The following BHMT2 variants were observed in gnomAD, a reference collection of about 807,000 sequenced individuals.
The protein encoded by BHMT2 is S-methylmethionine--homocysteine S-methyltransferase BHMT2.
In BHMT2, 28 loss-of-function variants were observed where a neutral mutation model predicts 39.0. The ratio of observed to expected loss-of-function variants is 0.72; its 90% CI spans 0.53 to 0.98. The LOEUF is 0.98. Among genes scored for constraint, BHMT2 ranks in the 50% least tolerant of loss-of-function variants. The probability of loss-of-function intolerance (pLI) is 0.00; values close to 1 mark genes in which losing one functional copy is unlikely to be tolerated. For missense variants in BHMT2, 410 were observed against 455.6 expected, an observed-to-expected ratio of 0.90 and a Z score of 0.91; for synonymous variants, 145 against 160.6, an observed-to-expected ratio of 0.90 and a Z score of 0.74.
chr5:79,073,545 AG>A (rs1229505239), intron 1 of BHMT2, among the ~76,000 whole-genome samples: 1 of 152,236 alleles, frequency 6.6e-6, no homozygotes, highest in East Asian at 1.9e-4. Context: ...CCAAAATTTA[AG>A]GCCTTTTTTA....
In BHMT2 at chr5:79,089,115, A is replaced by C. The variant is rs1755967304; in HGVS notation, c.*541A>C. On this transcript the variant is annotated 3_prime_UTR_variant, in exon 8 of 8. Transcript: ENST00000255192. ...GGTAGCATTATTGAAATAAATGTTT[A>C]ACTATCCAAAGTGATTACTTTCAAA... is the stretch of plus-strand genomic sequence containing the variant. 1 of 152,364 alleles carries C rather than the reference A, an allele frequency of 6.6e-6. No individual in the cohort carries two copies. The highest frequency in any genetic ancestry group is 2.4e-5 in the African/African-American group (1 of 41,464). 9.4% of individuals were successfully genotyped at this position (152,364 alleles called of 1,614,324 possible).
intron 1 of BHMT2, among the ~76,000 whole-genome samples, chr5:79,073,544 A>C (rs1268161839): frequency 6.6e-6 from 1 of 152,238 alleles, no homozygotes; most frequent in Non-Finnish European, 1.5e-5. Context: ...TCCAAAATTT[A>C]AGGCCTTTTT....
At chr5:79,073,455 G>A (rs1369994453) in intron 1 of BHMT2, among the ~76,000 whole-genome samples, 4 of 152,118 alleles carry the variant, frequency 2.6e-5, no homozygotes, top group Admixed American at 2.6e-4. Context: ...GCTTGTGGAG[G>A]GCAGAGACCT....
intron 1 of BHMT2, among the ~76,000 whole-genome samples, chr5:79,070,472 A>G (rs1286431785): frequency 6.6e-6 from 1 of 152,106 alleles, no homozygotes; most frequent in African/African-American, 2.4e-5. Context: ...ATGCCCAGCC[A>G]TTTCTACGTC....
chr5:79,071,727 G>C (rs1412086171), intron 1 of BHMT2, among the ~76,000 whole-genome samples: 1 of 151,276 alleles, frequency 6.6e-6, no homozygotes, highest in Non-Finnish European at 1.5e-5. Flanking sequence ...TAATACCTGG[G>C]TGAGGAAATA....
chr5:79,076,139 T>C (rs1755666570), intron 1 of BHMT2, among the ~76,000 whole-genome samples: 1 of 152,098 alleles, frequency 6.6e-6, no homozygotes, highest in Admixed American at 6.5e-5. Context: ...AGCAGATGGA[T>C]GGGGAGCCAG....
intron 7 of BHMT2, among the ~76,000 whole-genome samples, chr5:79,087,632 G>GA (rs1170149620): frequency 2.6e-5 from 4 of 152,026 alleles, no homozygotes; most frequent in Admixed American, 1.3e-4. Flanking sequence ...AAGTAAAGTG[G>GA]AAAAAACAAT....
At chr5:79,084,306 T>C (rs2112703464) in intron 7 of BHMT2, among the ~76,000 whole-genome samples, 1 of 152,314 alleles carries the variant, frequency 6.6e-6, no homozygotes, top group African/African-American at 2.4e-5. Flanking sequence ...AGATGGAGTC[T>C]GGCTCTGTTG....
rs753981682 is a variant in BHMT2 at position 79,088,553 on chromosome 5, G to C, written c.1071G>C (p.Ser357=). 6.2e-7 allele frequency: 1 copy of C among 1,613,912 alleles called. No individual in the cohort carries two copies. The highest frequency in any genetic ancestry group is 2.2e-5 in the East Asian group (1 of 44,864). ...CTTCAGGCAGACCTTTCTGTCCTTC[G>C]CTGTCAAAGCCAGACTTCTAAGGAG... ...LPASGRPFCP[S]LSKPDF The change falls in exon 8 of 8, where the codon TCG becomes TCC. Residue 357 remains serine (S), a synonymous_variant. Coordinates refer to ENST00000255192, the MANE Select transcript of BHMT2 (RefSeq NM_017614.5).
At chr5:79,072,168 G>C (rs1293601258) in intron 1 of BHMT2, among the ~76,000 whole-genome samples, 1 of 152,100 alleles carries the variant, frequency 6.6e-6, no homozygotes, top group Admixed American at 6.5e-5. Context: ...TTGCGAGGCT[G>C]AGGCAGGAGA....
intron 5 of BHMT2, 118 bp downstream of exon 5, chr5:79,083,074 T>G (rs1755821885): frequency 6.4e-7 from 1 of 1,573,418 alleles, no homozygotes; most frequent in African/African-American, 1.4e-5. Flanking sequence ...ATCAGTTTTC[T>G]TATCTGTAAA....
At chr5:79,081,841 G>A (rs147253207) in intron 4 of BHMT2, among the ~76,000 whole-genome samples, 134 of 152,146 alleles carry the variant, frequency 8.8e-4, no homozygotes, top group African/African-American at 2.7e-3. Flanking sequence ...CAGCCTGGGC[G>A]ACAGAGTGAT....
rs757097154 is a variant in BHMT2 at position 79,082,830 on chromosome 5, G to A, written c.472G>A (p.Ala158Thr). ...TTAGTATTTTGAGCACGTTGAAGAA[G>A]CTGTGTGGGCTGTGGAAGTCTTAAA... ...IAEYFEHVEE[A>T]VWAVEVLKES... The change falls in exon 5 of 8, where the codon GCT becomes ACT. Residue 158 changes from alanine (A) to threonine (T), a missense_variant. Transcript: ENST00000255192. 1.3e-5 allele frequency: 21 copies of A among 1,614,114 alleles called. No individual in the cohort carries two copies. The South Asian group carries it at 2.2e-4, about 17-fold the overall frequency.
chr5:79,076,163 T>C (rs1403434722), intron 1 of BHMT2, among the ~76,000 whole-genome samples: 1 of 151,866 alleles, frequency 6.6e-6, no homozygotes, highest in Non-Finnish European at 1.5e-5. Flanking sequence ...GGGGATGGAG[T>C]GGGAAGGCGG....
chr5:79,073,548 C>A (rs575977937), intron 1 of BHMT2, among the ~76,000 whole-genome samples: 3 of 152,190 alleles, frequency 2.0e-5, no homozygotes, highest in East Asian at 1.9e-4. Flanking sequence ...AAATTTAAGG[C>A]CTTTTTTATA....
At chr5:79,086,695 T>C (rs994455862) in intron 7 of BHMT2, among the ~76,000 whole-genome samples, 2 of 152,180 alleles carry the variant, frequency 1.3e-5, no homozygotes, top group African/African-American at 4.8e-5. Flanking sequence ...TCCAAATCCA[T>C]GCCATATTTC....
At chr5:79,081,484 G>A (rs968243519) in intron 4 of BHMT2, among the ~76,000 whole-genome samples, 15 of 152,152 alleles carry the variant, frequency 9.9e-5, no homozygotes, top group Non-Finnish European at 2.1e-4. Flanking sequence ...CTTCCAAAAC[G>A]AAAGTCCTCA....
chr5:79,077,376 A>T, intron 1 of BHMT2, 104 bp from the exon 2 acceptor site: 1 of 1,416,304 alleles, frequency 7.1e-7, no homozygotes, highest in Non-Finnish European at 9.5e-7. Context: ...TAACAAAACT[A>T]CAGCTCTAAG....
rs1295662702 is a variant in BHMT2, at chr5:79,079,364, T to C, written c.167-5T>C. The C allele has an allele frequency of 8.8e-6, 14 of 1,597,892 alleles. No homozygotes were observed. Among genetic ancestry groups the C allele is most frequent in the Non-Finnish European group, 1.2e-5 (14 of 1,167,202 alleles). The stretch of plus-strand genomic sequence containing the variant: ...TTCAATGTTTAAAACCCAACTACTT[T>C]GTAGTTCGTCAACTTCACATGGAAT... On this transcript the variant is annotated splice_region_variant and splice_polypyrimidine_tract_variant and intron_variant, in intron 2 of 7. Transcript: ENST00000255192.
Sources: gnomAD v4.1 joint callset for allele counts (sites outside exome capture counted in the v4.1 genomes callset) on GRCh38, gnomAD v4.1.1 for gene constraint, MANE v1.5 for transcripts, NCBI Gene and HGNC (gene_info 2026-07-23, HGNC 2026-07-21) for gene names.